Variants in NOL4 observed in about 807,000 individuals in gnomAD.
The protein encoded by NOL4 is cancer/testis antigen 125.
A neutral mutation model predicts 75.9 loss-of-function variants in NOL4; 17 were observed. The observed-to-expected ratio is 0.22, with a 90% CI of 0.15 to 0.34. The LOEUF (loss-of-function observed/expected upper bound fraction) is 0.34. Among genes scored for constraint, NOL4 ranks in the 10% least tolerant of loss-of-function variants. The probability of loss-of-function intolerance (pLI) is 1.00; values close to 1 mark genes in which losing one functional copy is unlikely to be tolerated. For missense variants in NOL4, 614 were observed against 793.5 expected, an observed-to-expected ratio of 0.77 and a Z score of 2.72; for synonymous variants, 292 against 289.9, an observed-to-expected ratio of 1.01 and a Z score of -0.07.
intron 7 of NOL4, 92 bp from the exon 8 acceptor site, chr18:33,957,609 T>G (rs2069748941): frequency 7.8e-6 from 8 of 1,027,164 alleles, no homozygotes. Flanking sequence ...AGGAAAATAC[T>G]GTTTTCTGGT....
At chr18:33,896,830 G>T (rs1390208172) in intron 9 of NOL4, among the ~76,000 whole-genome samples, 2 of 152,092 alleles carry the variant, frequency 1.3e-5, no homozygotes, top group Non-Finnish European at 2.9e-5. Context: ...AGAGTAAACA[G>T]ACAACCTACA....
At chr18:34,000,230 G>A (rs539015004) in intron 6 of NOL4, among the ~76,000 whole-genome samples, 43 of 152,222 alleles carry the variant, frequency 2.8e-4, no homozygotes, top group Non-Finnish European at 5.4e-4. Context: ...AATGTGGTCC[G>A]TACAGTCAAC....
chr18:34,111,165 G>T (rs996097418), intron 2 of NOL4, among the ~76,000 whole-genome samples: 1 of 152,060 alleles, frequency 6.6e-6, no homozygotes, highest in Non-Finnish European at 1.5e-5. Context: ...ATGGATTAAA[G>T]ACTTAAATGT....
At chr18:34,103,409 G>A (rs933883581) in intron 4 of NOL4, among the ~76,000 whole-genome samples, 1 of 151,968 alleles carries the variant, frequency 6.6e-6, no homozygotes, top group Non-Finnish European at 1.5e-5. Context: ...ATCCTACAGA[G>A]TATTTAAGAA....
At chr18:34,058,413 C>T (rs2076922850) in intron 5 of NOL4, among the ~76,000 whole-genome samples, 1 of 152,204 alleles carries the variant, frequency 6.6e-6, no homozygotes, top group Non-Finnish European at 1.5e-5. Flanking sequence ...GGATTACAGG[C>T]ATGAGCCACT....
intron 2 of NOL4, among the ~76,000 whole-genome samples, chr18:34,118,766 A>AT (rs1037191163): frequency 3.9e-5 from 6 of 152,264 alleles, no homozygotes; most frequent in Non-Finnish European, 7.4e-5. Context: ...TCAGACAATA[A>AT]TTTTCTTTTC....
chr18:33,962,280 T>G (rs1198733688), intron 6 of NOL4, among the ~76,000 whole-genome samples: 1 of 152,186 alleles, frequency 6.6e-6, no homozygotes, highest in African/African-American at 2.4e-5. Context: ...TCACCTGAGA[T>G]TGAATCTGGA....
chr18:34,090,954 A>T (rs887716086), intron 5 of NOL4, among the ~76,000 whole-genome samples: 2 of 152,092 alleles, frequency 1.3e-5, no homozygotes, highest in Non-Finnish European at 2.9e-5. Flanking sequence ...GTCCCATCCA[A>T]AATTGATATT....
intron 6 of NOL4, among the ~76,000 whole-genome samples, chr18:34,010,308 T>C (rs143910251): frequency 6.2e-4 from 95 of 152,026 alleles, no homozygotes; most frequent in African/African-American, 2.2e-3. Flanking sequence ...TTCAGTTCCA[T>C]CCGTGTTGTT....
intron 5 of NOL4, among the ~76,000 whole-genome samples, chr18:34,047,758 G>C (rs1002167595): frequency 1.3e-5 from 2 of 151,990 alleles, no homozygotes; most frequent in African/African-American, 2.4e-5. Context: ...ACAAACCAAA[G>C]AGGAAAAGAA....
intron 9 of NOL4, among the ~76,000 whole-genome samples, chr18:33,930,076 T>G (rs929894190): frequency 6.6e-6 from 1 of 152,100 alleles, no homozygotes; most frequent in African/African-American, 2.4e-5. Flanking sequence ...TCCAGCAAAA[T>G]TATTTTAACC....
chr18:34,129,645 T>C (rs1430205086), intron 2 of NOL4, among the ~76,000 whole-genome samples: 1 of 151,724 alleles, frequency 6.6e-6, no homozygotes, highest in African/African-American at 2.4e-5. Context: ...ATATTATACA[T>C]TTTTAAAGGC....
chr18:33,862,240 C>T (rs1426953639), intron 10 of NOL4, among the ~76,000 whole-genome samples: 1 of 151,954 alleles, frequency 6.6e-6, no homozygotes, highest in Non-Finnish European at 1.5e-5. Context: ...AAACTGGATC[C>T]CTTCCTTACA....
intron 8 of NOL4, among the ~76,000 whole-genome samples, chr18:33,951,829 G>A (rs928848625): frequency 2.0e-5 from 3 of 152,100 alleles, no homozygotes; most frequent in Non-Finnish European, 4.4e-5. Context: ...TTCATAGAGA[G>A]GAAAATAGAG....
At chr18:34,216,960 A>C (rs1252530063) in intron 1 of NOL4, among the ~76,000 whole-genome samples, 1 of 152,056 alleles carries the variant, frequency 6.6e-6, no homozygotes, top group Admixed American at 6.5e-5. Context: ...TATCATCATC[A>C]TCCTAGTTTT....
At chr18:34,161,614 TC>T (rs2031494117) in intron 1 of NOL4, among the ~76,000 whole-genome samples, 1 of 152,168 alleles carries the variant, frequency 6.6e-6, no homozygotes, top group Non-Finnish European at 1.5e-5. Flanking sequence ...GATTTTTTTT[TC>T]ATATACTTGT....
At chr18:33,953,063 C>T (rs533308344) in intron 8 of NOL4, among the ~76,000 whole-genome samples, 1 of 151,920 alleles carries the variant, frequency 6.6e-6, no homozygotes, top group East Asian at 1.9e-4. Context: ...GGATGAGCCT[C>T]TTAAGTGCTG....
chr18:34,173,844 A>G (rs938708990), intron 1 of NOL4, among the ~76,000 whole-genome samples: 5 of 152,198 alleles, frequency 3.3e-5, no homozygotes, highest in Admixed American at 3.3e-4. Context: ...ATGCATTTTT[A>G]CTAAGGAAAA....
chr18:34,145,214 GTAATAGAGAATTCAAA>G (rs2081348520), intron 1 of NOL4, among the ~76,000 whole-genome samples: 1 of 152,164 alleles, frequency 6.6e-6, no homozygotes, highest in East Asian at 1.9e-4. Flanking sequence ...TATGGAAATT[GTAATAGAGAATTCAAA>G]CTAAGGTCAA....
Sources: gnomAD v4.1 joint callset for allele counts (sites outside exome capture counted in the v4.1 genomes callset) on GRCh38, gnomAD v4.1.1 for gene constraint, MANE v1.5 for transcripts, NCBI Gene and HGNC (gene_info 2026-07-23, HGNC 2026-07-21) for gene names.